The following KAT6A variants were observed in gnomAD, a reference collection of about 807,000 sequenced individuals.
KAT6A encodes histone acetyltransferase KAT6A.
In KAT6A, 9 loss-of-function variants were observed where a neutral mutation model predicts 198.4. The observed-to-expected ratio is 0.05, with a 90% CI of 0.03 to 0.08. KAT6A has a LOEUF of 0.08. Among genes scored for constraint, KAT6A ranks in the 10% least tolerant of loss-of-function variants. The pLI is 1.00. For missense variants in KAT6A, 2,077 were observed against 2,509.9 expected (o/e 0.83, Z 3.69); for synonymous variants, 890 against 883.0 (o/e 1.01, Z -0.14).
chr8:41,943,852 G>C lies in KAT6A; in HGVS notation c.2124C>G (p.Asp708Glu). The change falls in exon 13 of 17, where the codon GAC (aspartate) becomes GAG (glutamate). Residue 708 changes from aspartate (D) to glutamate (E), a missense_variant. This residue lies in a region of KAT6A where 127 missense variants were observed against 209.6 expected (regional missense o/e 0.61). Transcript: ENST00000265713. ...TTAACTTCTTAATGCTGATCTGCTT[G>C]TCATTTTGGTGATAAAGGCACTCCA... is the stretch of plus-strand genomic sequence containing the variant. ...VILECLYHQN[D>E]KQISIKKLSK... is the part of the protein sequence containing the mutation. 6.2e-7 allele frequency: 1 copy of C among 1,613,844 alleles called. No individual in the cohort carries two copies.
At chr8:41,959,177 A>G (rs1823073185) in intron 8 of KAT6A, among the ~76,000 whole-genome samples, 1 of 151,826 alleles carries the variant, frequency 6.6e-6, no homozygotes, top group Non-Finnish European at 1.5e-5. Context: ...AAAAAAAAAA[A>G]AAAGTTGGAA....
intron 2 of KAT6A, among the ~76,000 whole-genome samples, chr8:42,006,361 ACAGT>A (rs769703731): frequency 1.3e-5 from 2 of 152,224 alleles, no homozygotes; most frequent in African/African-American, 2.4e-5. Flanking sequence ...GCTCATAGAA[ACAGT>A]CAGGCCTATT....
chr8:41,940,958 C>T lies in KAT6A; in HGVS notation c.2923G>A (p.Glu975Lys). Residue 975 changes from glutamate to lysine, a missense_variant, in exon 15 of 17, where the codon GAG becomes AAG. Coordinates refer to ENST00000265713, the MANE Select transcript of KAT6A (RefSeq NM_006766.5). ...CCCCTGAGGACAGCCCTGTCACCCTCACTGTAGCGACGGGGCAGCCTCTCA... is the reference window on the plus strand; with the variant it reads ...CCCCTGAGGACAGCCCTGTCACCCTTACTGTAGCGACGGGGCAGCCTCTCA... Reference protein sequence around the residue: ...GSERLPRRYSEGDRAVLRGFS... With the variant: ...GSERLPRRYSKGDRAVLRGFS... The T allele has an allele frequency of 1.2e-6, 2 of 1,614,246 alleles. No homozygotes were observed. The highest frequency in any genetic ancestry group is 1.7e-6 in the Non-Finnish European group (2 of 1,180,050).
intron 2 of KAT6A, among the ~76,000 whole-genome samples, chr8:42,007,739 G>C (rs1825816396): frequency 6.6e-6 from 1 of 152,002 alleles, no homozygotes; most frequent in African/African-American, 2.4e-5. Flanking sequence ...AAAGCGGGTG[G>C]ATCACGAGGT....
chr8:42,025,547 G>T (rs549757304), intron 2 of KAT6A, among the ~76,000 whole-genome samples: 13 of 152,156 alleles, frequency 8.5e-5, no homozygotes, highest in African/African-American at 2.9e-4. Flanking sequence ...TTGGCCATTT[G>T]TATGTATTCT....
chr8:42,048,082 T>TA (rs911002562), intron 2 of KAT6A, among the ~76,000 whole-genome samples: 25 of 151,522 alleles, frequency 1.6e-4, no homozygotes, highest in African/African-American at 5.1e-4. Context: ...AGCAAAATAA[T>TA]AAAAAAAAAT....
Position 42,048,766 on chromosome 8 carries a change from T to A in KAT6A, c.212A>T (p.Tyr71Phe). ...LKVSNKGLNS[Y>F]KDPDNPGRIA... ...TCGCCCAGGATTATCAGGATCTTTA[T>A]AGGAATTGAGTCCTTTATTTGAGAC... is the stretch of plus-strand genomic sequence containing the variant. The change falls in exon 2 of 17, where the codon TAT becomes TTT. Residue 71 changes from tyrosine to phenylalanine, a missense_variant. Tyr to Phe is a conservative substitution (Grantham distance 22). This residue lies in a region of KAT6A where 185 missense variants were observed against 185.7 expected (regional missense o/e 1.00). Transcript: ENST00000265713. 1.2e-6 allele frequency: 2 copies of A among 1,614,258 alleles called. No homozygotes were observed. The highest frequency in any genetic ancestry group is 1.7e-6 in the Non-Finnish European group (2 of 1,180,040).
At chr8:41,936,849 C>T (rs1405318702) in intron 16 of KAT6A, among the ~76,000 whole-genome samples, 2 of 152,150 alleles carry the variant, frequency 1.3e-5, no homozygotes, top group Non-Finnish European at 2.9e-5. Context: ...ACTTACTGAG[C>T]GCCGGGCTTA....
At chr8:42,042,718 T>A (rs551733221) in intron 2 of KAT6A, among the ~76,000 whole-genome samples, 2 of 152,338 alleles carry the variant, frequency 1.3e-5, no homozygotes, top group East Asian at 3.9e-4. Flanking sequence ...CCTGTCCAAC[T>A]GAACGCTTTA....
chr8:42,026,963 G>A (rs1039746315), intron 2 of KAT6A, among the ~76,000 whole-genome samples: 1 of 152,032 alleles, frequency 6.6e-6, no homozygotes. Context: ...TTGTTGAGAG[G>A]TTTTATCATG....
rs189007964 is a variant in KAT6A at position 41,953,338 on chromosome 8, T to C, written c.1598+1958A>G. On this transcript the variant is annotated intron_variant, in intron 9 of 16. Transcript: ENST00000265713. ...ATCTGTACTATAGTCTCCGGAACAG[T>C]TGACAGACATGTGGAAAAGCTTTCT... 1.4e-4 allele frequency among the ~76,000 whole-genome samples: 22 copies of C among 152,346 alleles called. No homozygotes were observed. The East Asian group carries it at 1.7e-3, about 12-fold the overall frequency.
intron 2 of KAT6A, among the ~76,000 whole-genome samples, chr8:42,032,250 TC>T: frequency 6.6e-6 from 1 of 152,268 alleles, no homozygotes; most frequent in East Asian, 1.9e-4. Context: ...AGGCTCTAGT[TC>T]CATTTATTAC....
intron 8 of KAT6A, among the ~76,000 whole-genome samples, chr8:41,965,798 G>A (rs181890079): frequency 3.9e-5 from 6 of 152,208 alleles, no homozygotes; most frequent in Non-Finnish European, 7.4e-5. Context: ...TGTCAGTTTC[G>A]GCATGACGGG....
intron 8 of KAT6A, among the ~76,000 whole-genome samples, chr8:41,955,867 T>C (rs1475482260): frequency 6.6e-6 from 1 of 152,162 alleles, no homozygotes; most frequent in Non-Finnish European, 1.5e-5. Context: ...CAAAGGATGA[T>C]TTTTTAGTTT....
At position 41,971,520 on chromosome 8, in the gene KAT6A, G is replaced by A. The variant is rs77687848; in HGVS notation, c.1482+3184C>T. 4.4e-3 allele frequency among the ~76,000 whole-genome samples: 663 copies of A among 152,286 alleles called. 6 individuals are homozygous for A. The highest frequency in any genetic ancestry group is 0.014 in the African/African-American group (595 of 41,554). On this transcript the variant is annotated intron_variant, in intron 8 of 16. Transcript: ENST00000265713. Reference sequence around the variant, plus strand: ...TGTGTCTGAGGAAGAGGAGGCGGCTGTGGCTGGAGTAGCCTGAGAGCAAAA... The same window carrying A: ...TGTGTCTGAGGAAGAGGAGGCGGCTATGGCTGGAGTAGCCTGAGAGCAAAA...
Position 41,932,174 on chromosome 8 carries a change from AT to A in KAT6A, c.*30del. The A allele has an allele frequency of 1.3e-6, 2 of 1,504,076 alleles. No individual in the cohort carries two copies. Among genetic ancestry groups the A allele is most frequent in the South Asian group, 1.5e-5 (1 of 68,800 alleles). 93.2% of individuals were successfully genotyped at this position (1,504,076 alleles called of 1,614,324 possible). A position where few individuals can be genotyped will look rare whatever the true frequency, so the allele number is the denominator to read the frequency against. ...ATAAAAGGTTCCTTTATTTATATAT[AT>A]TTAAGTTTTTGATTGCAAGTTCATC... is the stretch of plus-strand genomic sequence containing the variant. On this transcript the variant is annotated 3_prime_UTR_variant, in exon 17 of 17. Coordinates refer to ENST00000265713, the MANE Select transcript of KAT6A (RefSeq NM_006766.5).
chr8:41,980,938 A>C lies in KAT6A; in HGVS notation c.826-11T>G. On this transcript the variant is annotated splice_polypyrimidine_tract_variant and intron_variant, in intron 4 of 16. Transcript: ENST00000265713. ...AAAGAGCATGTTATCCTATTAGAAA[A>C]AAGAAAGGACAGTTTTGCTTAACCT... is the stretch of plus-strand genomic sequence containing the variant. 6.3e-7 allele frequency: 1 copy of C among 1,593,550 alleles called. No homozygotes were observed. Among genetic ancestry groups the C allele is most frequent in the Non-Finnish European group, 8.6e-7 (1 of 1,163,002 alleles).
At chr8:42,048,253 A>C in intron 2 of KAT6A, 125 bp downstream of exon 2, 1 of 958,396 alleles carries the variant, frequency 1.0e-6, no homozygotes. Flanking sequence ...ACCAATAAAA[A>C]ACCAGAGGTG....
intron 3 of KAT6A, 133 bp from the exon 4 acceptor site, chr8:41,982,087 G>A: frequency 1.7e-6 from 1 of 574,394 alleles, no homozygotes. Flanking sequence ...AGATGCACCA[G>A]GAAGCCTGCC....
Sources: gnomAD v4.1 joint callset for allele counts (sites outside exome capture counted in the v4.1 genomes callset) on GRCh38, gnomAD v4.1.1 for gene constraint, gnomAD v4.1.1 regional missense constraint, MANE v1.5 for transcripts, NCBI Gene and HGNC (gene_info 2026-07-23, HGNC 2026-07-21) for gene names.